The following NAIF1 variants were observed in gnomAD, a reference collection of about 807,000 sequenced individuals.
The protein encoded by NAIF1 is nuclear apoptosis inducing factor 1.
A neutral mutation model predicts 20.7 loss-of-function variants in NAIF1; 14 were observed. The observed-to-expected ratio is 0.67, with a 90% CI of 0.45 to 1.05. The LOEUF is 1.05. Among genes scored for constraint, NAIF1 ranks in the 50% least tolerant of loss-of-function variants. The pLI, the probability that NAIF1 is intolerant of heterozygous loss-of-function variation, is 0.00. For synonymous variants in NAIF1, 191 were observed against 191.4 expected (o/e 1.00, Z 0.02); for missense variants, 362 against 448.8 (o/e 0.81, Z 1.75).
chr9:128,062,302 C>G lies in NAIF1; in HGVS notation c.*1126G>C, dbSNP rs1352259295. ...ACCTCGCCCGGCCAGGGTCCCACTT[C>G]TTAGGTCAGCTTCGCCTTTTCCTCC... On this transcript the variant is annotated 3_prime_UTR_variant, in exon 2 of 2. Coordinates refer to ENST00000373078, the MANE Select transcript of NAIF1 (RefSeq NM_197956.4). 1 of 152,368 alleles carries G rather than the reference C, an allele frequency of 6.6e-6. No individual in the cohort carries two copies. Among genetic ancestry groups the G allele is most frequent in the Non-Finnish European group, 1.5e-5 (1 of 68,204 alleles). The allele number at this position is 152,368 out of a possible 1,614,324, so 9.4% of individuals were successfully genotyped here.
At chr9:128,064,028 C>T (rs1564172089) in intron 1 of NAIF1, 128 bp from the exon 2 acceptor site, 4 of 681,878 alleles carry the variant, frequency 5.9e-6, no homozygotes. Flanking sequence ...CCAGGCCTCC[C>T]CTGGCTGCAT....
At chr9:128,066,482 G>A (rs2130774883) in intron 1 of NAIF1, 109 bp downstream of exon 1, 17 of 1,208,600 alleles carry the variant, frequency 1.4e-5, no homozygotes, top group South Asian at 1.9e-5. Flanking sequence ...GGTCTTCCAA[G>A]ACCCCCATCT....
intron 1 of NAIF1, among the ~76,000 whole-genome samples, chr9:128,064,824 GA>G (rs2130773399): frequency 6.6e-6 from 1 of 152,202 alleles, no homozygotes; most frequent in South Asian, 2.1e-4. Context: ...CCAACATGGA[GA>G]AACCTCGTCT....
chr9:128,066,269 G>A, intron 1 of NAIF1: 1 of 320,664 alleles, frequency 3.1e-6, no homozygotes, highest in African/African-American at 2.1e-5. Flanking sequence ...CGGGCCCTGT[G>A]AAAAGTCCTG....
At position 128,061,249 on chromosome 9, in the gene NAIF1, A is replaced by G. The variant is rs934297138; in HGVS notation, c.*2179T>C. 1 of 152,188 alleles carries G rather than the reference A, an allele frequency of 6.6e-6. No homozygotes were observed. Among genetic ancestry groups the G allele is most frequent in the Non-Finnish European group, 1.5e-5 (1 of 68,042 alleles). 9.4% of individuals were successfully genotyped at this position (152,188 alleles called of 1,614,324 possible). ...ACAGAGATGTGTGTATAAAAAAGTG[A>G]TATGTCTTTAATTTAAAATTATGAC... is the stretch of plus-strand genomic sequence containing the variant. On this transcript the variant is annotated 3_prime_UTR_variant, in exon 2 of 2. Transcript: ENST00000373078.
chr9:128,064,923 T>C (rs2130773485), intron 1 of NAIF1, among the ~76,000 whole-genome samples: 1 of 151,226 alleles, frequency 6.6e-6, no homozygotes, highest in African/African-American at 2.4e-5. Flanking sequence ...TGAGCCGAGA[T>C]CATGCCATTG....
At chr9:128,064,732 G>T (rs569108604) in intron 1 of NAIF1, among the ~76,000 whole-genome samples, 23 of 152,042 alleles carry the variant, frequency 1.5e-4, no homozygotes, top group Middle Eastern at 3.4e-3. Flanking sequence ...GCCGGGCGCG[G>T]TGGCTCACGC....
Position 128,067,045 on chromosome 9 carries a change from G to C in NAIF1, c.57C>G (p.Ile19Met). ...TCTTCAGCTCCAGCTCCTCCACGAT[G>C]ATCTCCACCTCCCGCTCTGAGAAGT... is the stretch of plus-strand genomic sequence containing the variant. ...KMNFSEREVE[I>M]IVEELELKKH... The change falls in exon 1 of 2, where the codon ATC becomes ATG. Residue 19 changes from isoleucine to methionine, a missense_variant. Transcript: ENST00000373078. 1 of 1,613,490 alleles carries C rather than the reference G, an allele frequency of 6.2e-7. No homozygotes were observed. Among genetic ancestry groups the C allele is most frequent in the South Asian group, 1.1e-5 (1 of 91,070 alleles).
chr9:128,065,243 A>G (rs1017962937), intron 1 of NAIF1, among the ~76,000 whole-genome samples: 2 of 151,614 alleles, frequency 1.3e-5, no homozygotes, highest in Non-Finnish European at 2.9e-5. Flanking sequence ...CAGCCTCCCG[A>G]GTAGCTGGGA....
rs908690196 is a variant in NAIF1, at chr9:128,067,295, C to T, written c.-194G>A. ...GCGTAGGGCCCAGCCCCGACCGGCC[C>T]GGCCGCTGCCAGCCAGCAGCGTAAT... is the stretch of plus-strand genomic sequence containing the variant. On this transcript the variant is annotated 5_prime_UTR_variant, in exon 1 of 2. Transcript: ENST00000373078. The T allele has an allele frequency of 1.4e-5, 8 of 558,776 alleles. No individual in the cohort carries two copies. The highest frequency in any genetic ancestry group is 7.6e-5 in the African/African-American group (4 of 52,650). 34.6% of individuals were successfully genotyped at this position (558,776 alleles called of 1,614,324 possible).
rs767487670 is a variant in NAIF1 at position 128,067,078 on chromosome 9, C to T, written c.24G>A (p.Arg8=). The change falls in exon 1 of 2, where the codon AGG becomes AGA. Residue 8 remains arginine (R), a synonymous_variant. Coordinates refer to ENST00000373078, the MANE Select transcript of NAIF1 (RefSeq NM_197956.4). MAVPAKK[R]KMNFSEREVE... ...CCTCCCGCTCTGAGAAGTTCATCTT[C>T]CTTTTCTTGGCTGGGACGGCCATGG... The T allele has an allele frequency of 6.2e-7, 1 of 1,602,714 alleles. No individual in the cohort carries two copies. Among genetic ancestry groups the T allele is most frequent in the Admixed American group, 1.7e-5 (1 of 59,664 alleles).
chr9:128,066,645 C>A lies in NAIF1; in HGVS notation c.457G>T (p.Val153Leu), dbSNP rs772825954. 6.4e-7 allele frequency: 1 copy of A among 1,560,180 alleles called. No individual in the cohort carries two copies. Among genetic ancestry groups the A allele is most frequent in the South Asian group, 1.2e-5 (1 of 83,088 alleles). The change falls in exon 1 of 2, where the codon GTG becomes TTG. Residue 153 changes from valine to leucine, a missense_variant. This residue lies in a region of NAIF1 where 300 missense variants were observed against 342.7 expected (regional missense o/e 0.88). Transcript: ENST00000373078. Reference protein sequence around the residue: ...SLPSTTEIHPVALGPSATAAA... With the variant: ...SLPSTTEIHPLALGPSATAAA... ...GCGGTGGCCGAGGGTCCGAGGGCCACAGGGTGGATCTCTGTGGTGCTGGGC... is the reference window on the plus strand; with the variant it reads ...GCGGTGGCCGAGGGTCCGAGGGCCAAAGGGTGGATCTCTGTGGTGCTGGGC...
intron 1 of NAIF1, among the ~76,000 whole-genome samples, chr9:128,065,755 T>C (rs1269864321): frequency 1.3e-5 from 2 of 152,122 alleles, no homozygotes; most frequent in African/African-American, 4.8e-5. Context: ...CACAAACTCT[T>C]CTTTGAACTA....
chr9:128,066,474 T>C, intron 1 of NAIF1, 117 bp downstream of exon 1: 1 of 1,112,470 alleles, frequency 9.0e-7, no homozygotes, highest in Non-Finnish European at 1.2e-6. Context: ...GGCCTCATGG[T>C]CTTCCAAGAC....
Position 128,063,984 on chromosome 9 carries a change from TA to T in NAIF1, c.512-85del, listed in dbSNP as rs1338472934. The T allele has an allele frequency of 7.3e-6, 9 of 1,226,196 alleles. No homozygotes were observed. The African/African-American group carries it at 1.3e-4, about 18-fold the overall frequency. The allele number at this position is 1,226,196 out of a possible 1,614,324, so 76.0% of individuals were successfully genotyped here. On this transcript the variant is annotated intron_variant, in intron 1 of 1. Transcript: ENST00000373078. The surrounding 1 kb of genome is among the most constrained non-coding windows in gnomAD (Gnocchi z 4.3). The stretch of plus-strand genomic sequence containing the variant: ...GCTGTATGGGGTGGGGAGGAGGCCA[TA>T]AAGTCCTGTCCTGGAGGGACATAAA...
rs554334663 is a variant in NAIF1, at chr9:128,061,561, A to G, written c.*1867T>C. The G allele has an allele frequency of 1.3e-5, 2 of 152,306 alleles. No homozygotes were observed. The highest frequency in any genetic ancestry group is 1.9e-4 in the East Asian group (1 of 5,186). 9.4% of individuals were successfully genotyped at this position (152,306 alleles called of 1,614,324 possible). A position where few individuals can be genotyped will look rare whatever the true frequency, so the allele number is the denominator to read the frequency against. On this transcript the variant is annotated 3_prime_UTR_variant, in exon 2 of 2. Transcript: ENST00000373078. ...CTCCCTTTTAGCTGGCACTGCACGAATGCCTCCACAGAGAGGCTGACAGTA... is the reference window on the plus strand; with the variant it reads ...CTCCCTTTTAGCTGGCACTGCACGAGTGCCTCCACAGAGAGGCTGACAGTA...
rs1418069006 is a variant in NAIF1 at position 128,063,925 on chromosome 9, CA to C, written c.512-26del. On this transcript the variant is annotated intron_variant, in intron 1 of 1. Coordinates refer to ENST00000373078, the MANE Select transcript of NAIF1 (RefSeq NM_197956.4). The surrounding 1 kb of genome is among the most constrained non-coding windows in gnomAD (Gnocchi z 4.3). ...ACTGCACAGTAGAAAGAACAGAGGC[CA>C]AGGGAGGTCACTTTCTGGAAGGAAT... 6.3e-7 allele frequency: 1 copy of C among 1,584,100 alleles called. No homozygotes were observed. Among genetic ancestry groups the C allele is most frequent in the Non-Finnish European group, 8.6e-7 (1 of 1,167,636 alleles).
Position 128,062,898 on chromosome 9 carries a change from T to C in NAIF1, c.*530A>G, listed in dbSNP as rs558795115. The stretch of plus-strand genomic sequence containing the variant: ...GGGTCGGGGGAGAGCACAACAGTCA[T>C]TGGAGTCCCCTGAGAACTGAGGCAC... On this transcript the variant is annotated 3_prime_UTR_variant, in exon 2 of 2. Transcript: ENST00000373078. 5.3e-5 allele frequency: 9 copies of C among 168,538 alleles called. No homozygotes were observed. The highest frequency in any genetic ancestry group is 2.2e-4 in the Admixed American group (4 of 18,454). 10.4% of individuals were successfully genotyped at this position (168,538 alleles called of 1,614,324 possible).
chr9:128,063,338 G>C lies in NAIF1; in HGVS notation c.*90C>G. The C allele has an allele frequency of 8.3e-7, 1 of 1,206,648 alleles. No homozygotes were observed. The highest frequency in any genetic ancestry group is 1.2e-6 in the Non-Finnish European group (1 of 855,588). The allele number at this position is 1,206,648 out of a possible 1,614,324, so 74.7% of individuals were successfully genotyped here. ...TAAAGAGGGAGCTGTGCACGTGGCCGGTCTAAGGCCAAGGCCAATCACAGG... is the reference window on the plus strand; with the variant it reads ...TAAAGAGGGAGCTGTGCACGTGGCCCGTCTAAGGCCAAGGCCAATCACAGG... On this transcript the variant is annotated 3_prime_UTR_variant, in exon 2 of 2. Coordinates refer to ENST00000373078, the MANE Select transcript of NAIF1 (RefSeq NM_197956.4). The surrounding 1 kb of genome is among the most constrained non-coding windows in gnomAD (Gnocchi z 4.3).
Sources: gnomAD v4.1 joint callset for allele counts (sites outside exome capture counted in the v4.1 genomes callset) on GRCh38, gnomAD v4.1.1 for gene constraint, gnomAD v4.1.1 regional missense constraint, Gnocchi (gnomAD v3.1) non-coding constraint, MANE v1.5 for transcripts, NCBI Gene and HGNC (gene_info 2026-07-23, HGNC 2026-07-21) for gene names.